Variants in MAGI3 observed in about 807,000 individuals in gnomAD.
MAGI3 encodes membrane associated guanylate kinase, WW and PDZ domain containing 3, also known as membrane-associated guanylate kinase, WW and PDZ domain-containing protein 3.
In MAGI3, 43 loss-of-function variants were observed where a neutral mutation model predicts 121.8. That is an observed-to-expected ratio of 0.35 (90% CI 0.28 to 0.46). MAGI3 has a LOEUF of 0.46. Among genes scored for constraint, MAGI3 ranks in the 20% least tolerant of loss-of-function variants. The pLI is 1.00. For synonymous variants in MAGI3, 553 were observed against 639.3 expected, an observed-to-expected ratio of 0.86 and a Z score of 2.04; for missense variants, 1,547 against 1,797.3, an observed-to-expected ratio of 0.86 and a Z score of 2.52.
At chr1:113,648,315 T>G (rs1228554845) in intron 12 of MAGI3, among the ~76,000 whole-genome samples, 3 of 152,228 alleles carry the variant, frequency 2.0e-5, no homozygotes, top group Non-Finnish European at 4.4e-5. Context: ...TGTTTATTTC[T>G]TCTCTCTTTA....
intron 1 of MAGI3, among the ~76,000 whole-genome samples, chr1:113,503,585 A>G (rs1657156932): frequency 6.6e-6 from 1 of 152,064 alleles, no homozygotes; most frequent in Admixed American, 6.6e-5. Flanking sequence ...ACTTTTCTAT[A>G]ACTGTAAGGT....
chr1:113,415,987 T>A (rs200447215), intron 1 of MAGI3, among the ~76,000 whole-genome samples: 1 of 73,582 alleles, frequency 1.4e-5, no homozygotes, highest in African/African-American at 5.3e-5. Flanking sequence ...TTATATATAT[T>A]AATTATATAA....
chr1:113,541,508 G>A (rs1659286002), intron 1 of MAGI3, among the ~76,000 whole-genome samples: 1 of 152,172 alleles, frequency 6.6e-6, no homozygotes, highest in African/African-American at 2.4e-5. Context: ...ACTTGGGACT[G>A]GAGAGGAATT....
rs1211506744 is a variant in MAGI3 at position 113,653,964 on chromosome 1, A to T, written c.2575A>T (p.Asn859Tyr). 24 of 1,613,818 alleles carry T rather than the reference A, an allele frequency of 1.5e-5. No homozygotes were observed. Among genetic ancestry groups the T allele is most frequent in the Non-Finnish European group, 1.8e-5 (21 of 1,179,950 alleles). The change falls in exon 15 of 21, where the codon AAT becomes TAT. Residue 859 changes from asparagine (N) to tyrosine (Y), a missense_variant. Asn to Tyr is a moderately radical substitution (Grantham distance 143, BLOSUM62 -2). Transcript: ENST00000307546. ...PYDVVLQRKE[N>Y]EGFGFVILTS... ...TGATGTTGTCTTGCAACGAAAAGAAAATGAAGGATTTGGCTTTGTCATCCT... is the reference window on the plus strand; with the variant it reads ...TGATGTTGTCTTGCAACGAAAAGAATATGAAGGATTTGGCTTTGTCATCCT...
chr1:113,469,353 C>A lies in MAGI3; in HGVS notation c.316+78004C>A, dbSNP rs557626994. ...TTTGGTCATCCATAATTATCACTTT[C>A]AAAATTGTGAAAGGAGGTGTATGAA... On this transcript the variant is annotated intron_variant, in intron 1 of 20. Transcript: ENST00000307546. 1.2e-4 allele frequency among the ~76,000 whole-genome samples: 18 copies of A among 152,232 alleles called. No homozygotes were observed. The East Asian group carries it at 2.9e-3, about 24-fold the overall frequency.
At chr1:113,569,248 A>G (rs1361563793) in intron 2 of MAGI3, among the ~76,000 whole-genome samples, 1 of 152,184 alleles carries the variant, frequency 6.6e-6, no homozygotes, top group African/African-American at 2.4e-5. Flanking sequence ...ATACACTTCA[A>G]TTTATCCTCT....
intron 1 of MAGI3, among the ~76,000 whole-genome samples, chr1:113,429,076 C>A (rs1284340387): frequency 1.3e-5 from 2 of 152,160 alleles, no homozygotes; most frequent in Non-Finnish European, 2.9e-5. Flanking sequence ...ATTACTGTCA[C>A]TTTATCATAA....
At chr1:113,600,919 A>G (rs1312826100) in intron 6 of MAGI3, among the ~76,000 whole-genome samples, 1 of 152,196 alleles carries the variant, frequency 6.6e-6, no homozygotes, top group Admixed American at 6.5e-5. Context: ...AGCGCCGCCT[A>G]TCTACAACTA....
intron 1 of MAGI3, among the ~76,000 whole-genome samples, chr1:113,505,676 A>G (rs1657293022): frequency 6.6e-6 from 1 of 152,142 alleles, no homozygotes; most frequent in South Asian, 2.1e-4. Flanking sequence ...GGTAGTGAGG[A>G]AAAGTTTTCT....
At chr1:113,681,401 A>AAC (rs1648208773) in intron 20 of MAGI3, 65 bp downstream of exon 20, 1 of 1,532,732 alleles carries the variant, frequency 6.5e-7, no homozygotes, top group Non-Finnish European at 8.8e-7. Flanking sequence ...AAGAAAAAGG[A>AAC]ATATATATTT....
chr1:113,655,566 A>G (rs986412259), intron 15 of MAGI3, among the ~76,000 whole-genome samples: 1 of 151,828 alleles, frequency 6.6e-6, no homozygotes, highest in African/African-American at 2.4e-5. Flanking sequence ...AAAATCTTTA[A>G]GTAGTTTTAT....
At chr1:113,637,036 G>T (rs1165032926) in intron 9 of MAGI3, among the ~76,000 whole-genome samples, 1 of 152,182 alleles carries the variant, frequency 6.6e-6, no homozygotes, top group Non-Finnish European at 1.5e-5. Context: ...TTTTATCAGA[G>T]ACTAGGATTG....
intron 19 of MAGI3, among the ~76,000 whole-genome samples, chr1:113,674,252 C>T (rs557864977): frequency 2.0e-5 from 3 of 152,080 alleles, no homozygotes; most frequent in African/African-American, 4.8e-5. Context: ...ATTAGCCGGG[C>T]CTGGTGGTGC....
intron 1 of MAGI3, among the ~76,000 whole-genome samples, chr1:113,480,062 T>G (rs1187069965): frequency 6.6e-6 from 1 of 152,204 alleles, no homozygotes; most frequent in Admixed American, 6.5e-5. Context: ...ATTAAGATGT[T>G]TGTTTTGAAT....
Position 113,642,321 on chromosome 1 carries a change from G to T in MAGI3, c.1771G>T (p.Ala591Ser), listed in dbSNP as rs368354785. The change falls in exon 10 of 21, where the codon GCA becomes TCA. Residue 591 changes from alanine to serine, a missense_variant. Ala to Ser is a moderately conservative substitution (Grantham distance 99). Coordinates refer to ENST00000307546, the MANE Select transcript of MAGI3 (RefSeq NM_001142782.2). ...LIKGPKGFGFAIADSPTGQKV... is the reference protein window; with the variant it reads ...LIKGPKGFGFSIADSPTGQKV... ...TAAGGGCCCTAAAGGGTTTGGGTTT[G>T]CAATTGCTGACAGCCCTACTGGACA... 445 of 1,614,042 alleles carry T rather than the reference G, an allele frequency of 2.8e-4. 1 individual carries two copies. The highest frequency in any genetic ancestry group is 3.7e-4 in the Non-Finnish European group (434 of 1,180,048).
chr1:113,463,678 G>A (rs1002635692), intron 1 of MAGI3, among the ~76,000 whole-genome samples: 1 of 152,026 alleles, frequency 6.6e-6, no homozygotes, highest in African/African-American at 2.4e-5. Context: ...TGAAGGCGGG[G>A]GAGAGATGGT....
chr1:113,549,380 G>T, intron 1 of MAGI3, 135 bp from the exon 2 acceptor site: 1 of 485,748 alleles, frequency 2.1e-6, no homozygotes, highest in Non-Finnish European at 3.7e-6. Context: ...TTTCTTTTTA[G>T]TAAAATTCTC....
chr1:113,675,565 G>A (rs536345154), intron 19 of MAGI3, among the ~76,000 whole-genome samples: 1 of 152,182 alleles, frequency 6.6e-6, no homozygotes, highest in African/African-American at 2.4e-5. Context: ...CCCAGATTGC[G>A]ACATTACTGA....
chr1:113,540,425 TC>T (rs552340422), intron 1 of MAGI3, among the ~76,000 whole-genome samples: 381 of 152,326 alleles, frequency 2.5e-3, no homozygotes, highest in African/African-American at 8.7e-3. Context: ...TAGTGTGGAC[TC>T]CAGAGTTCTG....
Sources: allele counts gnomAD v4.1 joint callset (sites outside exome capture counted in the v4.1 genomes callset), GRCh38; gene constraint gnomAD v4.1.1; transcripts MANE v1.5; gene names NCBI Gene and HGNC (gene_info 2026-07-23, HGNC 2026-07-21).